Variants in CNGB3 observed in about 807,000 individuals in gnomAD.
The protein encoded by CNGB3 is cyclic nucleotide gated channel subunit beta 3.
CNGB3 carries 86 observed loss-of-function variants against 92.8 expected under a neutral mutation model. The observed-to-expected ratio is 0.93, with a 90% CI of 0.78 to 1.11. CNGB3 has a LOEUF of 1.11. CNGB3 is among the 50% of genes least tolerant of loss of function. CNGB3 has a pLI of 0.00. For missense variants in CNGB3, 1,026 were observed against 956.8 expected (o/e 1.07, Z -0.95); for synonymous variants, 333 against 332.7 (o/e 1.00, Z -0.01).
chr8:86,660,440 C>A, intron 6 of CNGB3: 2 of 498,774 alleles, frequency 4.0e-6, no homozygotes, highest in South Asian at 1.6e-5. Flanking sequence ...AGGGTGTGGT[C>A]TCAATGCTCC....
At chr8:86,735,693 A>G (rs1825239057) in intron 2 of CNGB3, among the ~76,000 whole-genome samples, 1 of 152,158 alleles carries the variant, frequency 6.6e-6, no homozygotes, top group Non-Finnish European at 1.5e-5. Flanking sequence ...TTCAACTCTT[A>G]TAAGGACCCC....
intron 2 of CNGB3, among the ~76,000 whole-genome samples, chr8:86,738,367 G>A (rs527760390): frequency 6.6e-6 from 1 of 152,264 alleles, no homozygotes; most frequent in African/African-American, 2.4e-5. Context: ...CTTGAGCAAA[G>A]GTTGAGATCA....
At chr8:86,658,569 T>G (rs1373056374) in intron 6 of CNGB3, 3 of 343,204 alleles carry the variant, frequency 8.7e-6, no homozygotes, top group South Asian at 8.7e-5. Flanking sequence ...ATAGGGCACC[T>G]GCTGATAGGT....
chr8:86,612,935 T>C (rs1325666310), intron 13 of CNGB3, among the ~76,000 whole-genome samples: 1 of 152,140 alleles, frequency 6.6e-6, no homozygotes, highest in Non-Finnish European at 1.5e-5. Flanking sequence ...GGGGTGATCT[T>C]GTAAGTAAGC....
At chr8:86,695,364 ATTAT>A (rs1824430453) in intron 3 of CNGB3, among the ~76,000 whole-genome samples, 1 of 76,338 alleles carries the variant, frequency 1.3e-5, no homozygotes, top group South Asian at 6.2e-4. Context: ...TTTTTAAAAA[ATTAT>A]TTTTTTCTTT....
At chr8:86,743,355 T>A (rs1825373743) in intron 1 of CNGB3, 144 bp downstream of exon 1, 1 of 851,842 alleles carries the variant, frequency 1.2e-6, no homozygotes, top group South Asian at 1.4e-5. Flanking sequence ...TATAAATTAA[T>A]GAAGATAAGC....
chr8:86,614,314 A>T (rs11988618), intron 13 of CNGB3, among the ~76,000 whole-genome samples: 17,005 of 152,116 alleles, frequency 0.11, 1,045 homozygotes, highest in African/African-American at 0.15. Flanking sequence ...CAGATATTCC[A>T]CAGTAACTAC....
intron 13 of CNGB3, among the ~76,000 whole-genome samples, chr8:86,611,979 C>T (rs1416714349): frequency 1.3e-5 from 2 of 151,978 alleles, no homozygotes; most frequent in African/African-American, 2.4e-5. Context: ...GTACTTATAA[C>T]AAAAACTTAA....
At chr8:86,624,952 G>C (rs1822816993) in intron 13 of CNGB3, among the ~76,000 whole-genome samples, 1 of 152,094 alleles carries the variant, frequency 6.6e-6, no homozygotes, top group Non-Finnish European at 1.5e-5. Context: ...CTGCTTAAAA[G>C]TGTGTGACAC....
In CNGB3 at chr8:86,576,049, CTTTT is replaced by C. The variant is rs1302125467; in HGVS notation, c.2181_2184del (p.Glu729MetfsTer99). The C allele has an allele frequency of 6.2e-7, 1 of 1,602,310 alleles. No homozygotes were observed. The stretch of plus-strand genomic sequence containing the variant: ...TTTTCTTTTCCTTTATCTTCATTTT[CTTTT>C]TGTTTATCTTCATTTTCTTTTTGTT... On this transcript the variant is annotated frameshift_variant, in exon 18 of 18. Transcript: ENST00000320005. LOFTEE classifies it low-confidence loss of function (END_TRUNC).
chr8:86,670,245 G>A (rs2131618149), intron 4 of CNGB3, among the ~76,000 whole-genome samples: 1 of 152,192 alleles, frequency 6.6e-6, no homozygotes, highest in Middle Eastern at 3.4e-3. Flanking sequence ...TTGCTCTCTT[G>A]GATACCCAGG....
At chr8:86,705,866 T>G (rs948822173) in intron 3 of CNGB3, among the ~76,000 whole-genome samples, 1 of 152,210 alleles carries the variant, frequency 6.6e-6, no homozygotes, top group Non-Finnish European at 1.5e-5. Context: ...TGACACAGAC[T>G]AGGAATAGTG....
intron 3 of CNGB3, among the ~76,000 whole-genome samples, chr8:86,686,610 T>A (rs1337777006): frequency 4.0e-5 from 6 of 151,404 alleles, no homozygotes; most frequent in Non-Finnish European, 8.8e-5. Context: ...AACTGAAATC[T>A]GTACTTGGCT....
chr8:86,587,602 C>T (rs1483322065), intron 15 of CNGB3, among the ~76,000 whole-genome samples: 9 of 152,100 alleles, frequency 5.9e-5, no homozygotes, highest in African/African-American at 2.2e-4. Context: ...GGAATCCTTT[C>T]CCCATTGCTT....
At chr8:86,644,090 A>G (rs1448435361) in intron 9 of CNGB3, among the ~76,000 whole-genome samples, 1 of 149,450 alleles carries the variant, frequency 6.7e-6, no homozygotes, top group Non-Finnish European at 1.5e-5. Flanking sequence ...AAAAAAAAAG[A>G]AAAAGAAAAC....
chr8:86,668,019 C>T lies in CNGB3; in HGVS notation c.643G>A (p.Asp215Asn), dbSNP rs1174949911. ...KLPNSIDSYT[D>N]RLYLLWLLLV... ...ATGATAATTCACCCTTTGATAATAC[C>T]TGTGTATGAATCTATGCTGTTTGGA... The change falls in exon 5 of 18, where the codon GAT becomes AAT. Residue 215 changes from aspartate to asparagine, a missense_variant and splice_region_variant. Coordinates refer to ENST00000320005, the MANE Select transcript of CNGB3 (RefSeq NM_019098.5). The T allele has an allele frequency of 4.3e-6, 7 of 1,613,924 alleles. No individual in the cohort carries two copies. The highest frequency in any genetic ancestry group is 2.2e-5 in the East Asian group (1 of 44,850).
intron 10 of CNGB3, among the ~76,000 whole-genome samples, chr8:86,640,375 T>C (rs2131591677): frequency 6.6e-6 from 1 of 152,224 alleles, no homozygotes. Flanking sequence ...TGAAGTTCTA[T>C]GTCACCAAAC....
intron 3 of CNGB3, among the ~76,000 whole-genome samples, chr8:86,700,552 C>A (rs1014922374): frequency 2.6e-5 from 4 of 152,226 alleles, no homozygotes; most frequent in African/African-American, 9.6e-5. Flanking sequence ...TTTCTCCTCA[C>A]ATCTCCAATA....
intron 15 of CNGB3, among the ~76,000 whole-genome samples, chr8:86,591,900 TA>T (rs989038940): frequency 2.0e-5 from 3 of 152,224 alleles, no homozygotes; most frequent in African/African-American, 7.2e-5. Flanking sequence ...TTTGTTTACC[TA>T]AGCAAGCCTG....
Sources: gnomAD v4.1 joint callset for allele counts (sites outside exome capture counted in the v4.1 genomes callset) on GRCh38, gnomAD v4.1.1 for gene constraint, MANE v1.5 for transcripts, NCBI Gene and HGNC (gene_info 2026-07-23, HGNC 2026-07-21) for gene names.